The following MYH15 variants were observed in gnomAD, a reference collection of about 807,000 sequenced individuals.
MYH15 encodes myosin-15.
Under a neutral mutation model 240.5 loss-of-function variants are expected in MYH15, and 227 were observed. The ratio of observed to expected loss-of-function variants is 0.94; its 90% CI spans 0.85 to 1.05. MYH15 has a LOEUF of 1.05. MYH15 is among the 50% of genes least tolerant of loss of function. The pLI, the probability that MYH15 is intolerant of heterozygous loss-of-function variation, is 0.00. For missense variants in MYH15, 2,217 were observed against 2,247.5 expected (o/e 0.99, Z 0.27); for synonymous variants, 785 against 796.7 (o/e 0.99, Z 0.25).
chr3:108,546,051 G>C, the MYH15 span, among the ~76,000 whole-genome samples: 52 of 152,110 alleles, frequency 3.4e-4, no homozygotes, highest in Non-Finnish European at 6.5e-4. Context: ...ATATCAGTTT[G>C]TGTTTGAATC....
At chr3:108,406,433 C>T (rs2082547002) in intron 32 of MYH15, among the ~76,000 whole-genome samples, 1 of 152,122 alleles carries the variant, frequency 6.6e-6, no homozygotes, top group Admixed American at 6.5e-5. Context: ...TATCTTGATA[C>T]TACCTTCAAT....
intron 14 of MYH15, among the ~76,000 whole-genome samples, chr3:108,465,292 G>C (rs911418950): frequency 6.6e-6 from 1 of 152,158 alleles, no homozygotes; most frequent in South Asian, 2.1e-4. Context: ...GAAAAATGAA[G>C]AATGCAAAGG....
chr3:108,460,216 T>C (rs3957558), intron 17 of MYH15, 84 bp downstream of exon 17: 177,057 of 1,184,526 alleles, frequency 0.15, 16,348 homozygotes, highest in East Asian at 0.45. Flanking sequence ...TTATCCTTAT[T>C]TGAAGATGTG....
chr3:108,460,477 A>G, intron 16 of MYH15, 110 bp from the exon 17 acceptor site: 1 of 682,472 alleles, frequency 1.5e-6, no homozygotes, highest in Non-Finnish European at 2.3e-6. Context: ...CTAGAACAAT[A>G]TGGCAATATC....
intron 36 of MYH15, among the ~76,000 whole-genome samples, chr3:108,393,748 G>GA (rs1164050088): frequency 2.6e-5 from 4 of 152,208 alleles, no homozygotes; most frequent in African/African-American, 9.6e-5. Context: ...ATTCACAAAT[G>GA]AAAAGTGGCT....
At chr3:108,504,159 G>A (rs1309045094) in intron 2 of MYH15, among the ~76,000 whole-genome samples, 1 of 152,170 alleles carries the variant, frequency 6.6e-6, no homozygotes, top group African/African-American at 2.4e-5. Context: ...AGGAAAGAAG[G>A]GGGAGTGACT....
At chr3:108,548,084 G>C in the MYH15 span, among the ~76,000 whole-genome samples, 5 of 152,120 alleles carry the variant, frequency 3.3e-5, no homozygotes, top group Admixed American at 1.3e-4. Flanking sequence ...GTCAACTATA[G>C]CATGAAGGAT....
chr3:108,510,433 CAT>C lies in MYH15; in HGVS notation c.88+8_88+9del, dbSNP rs1338941693. On this transcript the variant is annotated splice_region_variant and intron_variant, in intron 1 of 40. Transcript: ENST00000693548. ...AATAAAGTGAAGCCAGCAACCACCA[CAT>C]GTCTCACCATCCAAGGCTGTGGCCT... is the stretch of plus-strand genomic sequence containing the variant. The C allele has an allele frequency of 1.3e-6, 2 of 1,594,832 alleles. No homozygotes were observed. Among genetic ancestry groups the C allele is most frequent in the African/African-American group, 1.4e-5 (1 of 73,450 alleles).
chr3:108,399,314 T>C, intron 33 of MYH15, 47 bp from the exon 34 acceptor site: 1 of 1,461,564 alleles, frequency 6.8e-7, no homozygotes, highest in Non-Finnish European at 9.5e-7. Flanking sequence ...ACATCCAAAT[T>C]AATCAAATTC....
At position 108,489,366 on chromosome 3, in the gene MYH15, T is replaced by C. The variant is rs1576265427; in HGVS notation, c.872-2840A>G. On this transcript the variant is annotated intron_variant, in intron 9 of 40. Transcript: ENST00000693548. ...AGTTGAATAGCAAGAATAGACACAA[T>C]AAATAAATAGAAAGAAAAAAAGTCA... Among the ~76,000 whole-genome samples, 3 of 151,118 alleles carry C rather than the reference T, an allele frequency of 2.0e-5. No individual in the cohort carries two copies. In the South Asian group the frequency reaches 6.3e-4, roughly 32 times the overall value.
chr3:108,497,626 T>C (rs111526879), intron 6 of MYH15, among the ~76,000 whole-genome samples: 15 of 152,280 alleles, frequency 9.9e-5, no homozygotes, highest in Non-Finnish European at 2.2e-4. Flanking sequence ...ATTTAGAATT[T>C]GATCCAGGAG....
At chr3:108,515,091 A>G (rs1414295380), upstream of MYH15, among the ~76,000 whole-genome samples, 1 of 152,210 alleles carries the variant, frequency 6.6e-6, no homozygotes, top group Non-Finnish European at 1.5e-5. Context: ...CATCCACAGG[A>G]ATGAGCCGCA....
intron 1 of MYH15, among the ~76,000 whole-genome samples, chr3:108,520,807 T>G (rs1413665389): frequency 6.6e-6 from 1 of 152,152 alleles, no homozygotes; most frequent in African/African-American, 2.4e-5. Context: ...AGAAAATAGT[T>G]AATCATAGAT....
upstream of MYH15, among the ~76,000 whole-genome samples, chr3:108,531,030 T>C (rs1224180522): frequency 6.6e-6 from 1 of 152,140 alleles, no homozygotes; most frequent in Non-Finnish European, 1.5e-5. Flanking sequence ...CTGTAAGTTA[T>C]TGGAAACTAT....
chr3:108,435,220 CT>C (rs1262612439), intron 25 of MYH15, among the ~76,000 whole-genome samples: 1 of 152,094 alleles, frequency 6.6e-6, no homozygotes, highest in Non-Finnish European at 1.5e-5. Context: ...TTCCTTTTGT[CT>C]TTGGCTTTTT....
At chr3:108,477,408 A>G (rs1338121741) in intron 11 of MYH15, among the ~76,000 whole-genome samples, 3 of 152,218 alleles carry the variant, frequency 2.0e-5, no homozygotes, top group African/African-American at 7.2e-5. Context: ...TGGTGGTTGC[A>G]CAGCCTTGAG....
chr3:108,505,838 CAAAAAA>C lies in MYH15; in HGVS notation c.89-15_89-10del. ...CCAGCATTTCTTCTTCCCTGTAGAG[CAAAAAA>C]AAAAAAAAATGGATTATAGCTATAG... is the stretch of plus-strand genomic sequence containing the variant. On this transcript the variant is annotated splice_polypyrimidine_tract_variant and intron_variant, in intron 1 of 40. Transcript: ENST00000693548. 8 of 1,277,770 alleles carry C rather than the reference CAAAAAA, an allele frequency of 6.3e-6. No homozygotes were observed. Among genetic ancestry groups the C allele is most frequent in the Admixed American group, 2.4e-5 (1 of 42,402 alleles). 79.2% of individuals were successfully genotyped at this position (1,277,770 alleles called of 1,614,324 possible).
Position 108,381,347 on chromosome 3 carries a change from T to C in MYH15, c.*198A>G. The C allele has an allele frequency of 1.6e-6, 1 of 626,496 alleles. No homozygotes were observed. Among genetic ancestry groups the C allele is most frequent in the Non-Finnish European group, 2.8e-6 (1 of 352,260 alleles). The allele number at this position is 626,496 out of a possible 1,614,324, so 38.8% of individuals were successfully genotyped here. Reference sequence around the variant, plus strand: ...GCATTAGAAGGTAGTTTACTTGCATTTGAGGATCAAAAAATCCCCATTAAC... The same window carrying C: ...GCATTAGAAGGTAGTTTACTTGCATCTGAGGATCAAAAAATCCCCATTAAC... On this transcript the variant is annotated 3_prime_UTR_variant, in exon 41 of 41. Coordinates refer to ENST00000693548, the MANE Select transcript of MYH15 (RefSeq NM_014981.3).
At chr3:108,419,742 A>T (rs1156599244) in intron 28 of MYH15, among the ~76,000 whole-genome samples, 1 of 152,152 alleles carries the variant, frequency 6.6e-6, no homozygotes, top group African/African-American at 2.4e-5. Context: ...ACTAATTTTT[A>T]TTTAGCTCTC....
Sources: gnomAD v4.1 joint callset for allele counts (sites outside exome capture counted in the v4.1 genomes callset) on GRCh38, gnomAD v4.1.1 for gene constraint, MANE v1.5 for transcripts, NCBI Gene and HGNC (gene_info 2026-07-23, HGNC 2026-07-21) for gene names.